MUC5B: variants seen among roughly 807,000 people sequenced by gnomAD.
MUC5B encodes the protein mucin-5B.
Under a neutral mutation model 376.9 loss-of-function variants are expected in MUC5B, and 116 were observed. That is an observed-to-expected ratio of 0.31 (90% confidence interval 0.26 to 0.36). The LOEUF (loss-of-function observed/expected upper bound fraction) is 0.36, where lower values mean the gene tolerates loss of function less well. MUC5B is among the 10% of genes least tolerant of loss of function. The pLI is 1.00. For missense variants in MUC5B, 7,165 were observed against 7,769.9 expected, an observed-to-expected ratio of 0.92 and a Z score of 2.93; for synonymous variants, 3,517 against 3,390.9, an observed-to-expected ratio of 1.04 and a Z score of -1.29.
At position 1,256,667 on chromosome 11, in the gene MUC5B, G is replaced by T. The variant is rs1220458554; in HGVS notation, c.16137-4G>T. 3 of 1,558,574 alleles carry T rather than the reference G, an allele frequency of 1.9e-6. No homozygotes were observed. The African/African-American group carries it at 4.1e-5, about 21-fold the overall frequency. On this transcript the variant is annotated splice_polypyrimidine_tract_variant and splice_region_variant and intron_variant, in intron 38 of 48. Coordinates refer to ENST00000529681, the MANE Select transcript of MUC5B (RefSeq NM_002458.3). ...GTCTCAGGGCCTCTCTTGTCATCCT[G>T]CAGGAACCAGAGCCCACAGCTGGAG... is the stretch of plus-strand genomic sequence containing the variant.
chr11:1,227,273 G>A, intron 5 of MUC5B, 35 bp from the exon 6 acceptor site: 1 of 1,587,976 alleles, frequency 6.3e-7, no homozygotes, highest in Non-Finnish European at 8.6e-7. Context: ...GGGATCAGAG[G>A]TCCTGAGGCT....
intron 46 of MUC5B, 111 bp from the exon 47 acceptor site, chr11:1,260,240 G>A (rs573468062): frequency 2.3e-5 from 22 of 937,454 alleles, no homozygotes; most frequent in East Asian, 2.0e-4. Flanking sequence ...GGGAGGCCCC[G>A]CCCCTGCCCG....
rs1590185429 is a variant in MUC5B, at chr11:1,248,511, C to T, written c.11631C>T (p.Pro3877=). The change falls in exon 31 of 49, where the codon CCC becomes CCT. Residue 3877 remains proline, a synonymous_variant. Transcript: ENST00000529681. ...TTTTTGFTVT[P]SSSPGTARTP... ...CAACCACGGGCTTCACAGTCACCCC[C>T]TCCTCCAGCCCAGGGACGGCACGCA... 6.2e-7 allele frequency: 1 copy of T among 1,612,812 alleles called. No homozygotes were observed. Among genetic ancestry groups the T allele is most frequent in the Non-Finnish European group, 8.5e-7 (1 of 1,179,348 alleles).
chr11:1,223,264 G>A, intron 1 of MUC5B, 71 bp downstream of exon 1: 1 of 701,070 alleles, frequency 1.4e-6, no homozygotes, highest in South Asian at 1.5e-5. Context: ...TCGCTTGCCT[G>A]GGAGCTTCTC....
chr11:1,230,712 G>GC, intron 12 of MUC5B, 112 bp downstream of exon 12: 1 of 819,036 alleles, frequency 1.2e-6, no homozygotes, highest in Non-Finnish European at 1.8e-6. Flanking sequence ...CCCCCCTCCA[G>GC]CCCCCAGGCC....
intron 12 of MUC5B, 144 bp from the exon 13 acceptor site, chr11:1,230,792 T>C (rs1172236386): frequency 1.0e-6 from 1 of 964,012 alleles, no homozygotes; most frequent in Admixed American, 2.5e-5. Flanking sequence ...GGGGGGGCAA[T>C]TGCAGAGCCC....
chr11:1,261,288 G>A (rs934936367), intron 48 of MUC5B, 101 bp from the exon 49 acceptor site: 3 of 1,054,278 alleles, frequency 2.8e-6, no homozygotes, highest in Non-Finnish European at 4.1e-6. Context: ...GAAGGGGGCG[G>A]CCGTCTGGCC....
Position 1,257,292 on chromosome 11 carries a change from C to G in MUC5B, c.16269+21C>G. 1 of 782,878 alleles carries G rather than the reference C, an allele frequency of 1.3e-6. No individual in the cohort carries two copies. The highest frequency in any genetic ancestry group is 2.4e-6 in the Non-Finnish European group (1 of 421,046). 48.5% of individuals were successfully genotyped at this position (782,878 alleles called of 1,614,324 possible). A position where few individuals can be genotyped will look rare whatever the true frequency, so the allele number is the denominator to read the frequency against. On this transcript the variant is annotated intron_variant, in intron 40 of 48. Coordinates refer to ENST00000529681, the MANE Select transcript of MUC5B (RefSeq NM_002458.3). The surrounding 1 kb of genome is among the most constrained non-coding windows in gnomAD (Gnocchi z 8.9). The stretch of plus-strand genomic sequence containing the variant: ...AATTTGTGAGTGGCTCCACCCCCAC[C>G]TGCCCTACCCCACCCTCTCGCGAGC...
Position 1,249,981 on chromosome 11 carries a change from C to T in MUC5B, c.13101C>T (p.Thr4367=), listed in dbSNP as rs773268913. Residue 4367 remains threonine (T), a synonymous_variant, in exon 31 of 49, where the codon ACC becomes ACT. Coordinates refer to ENST00000529681, the MANE Select transcript of MUC5B (RefSeq NM_002458.3). ...CCACCCACACCTCCACAGTGCTGAC[C>T]ACGAAGGCCACCACGACAAGGGCCA... The part of the protein sequence containing the change: ...PETTHTSTVL[T]TKATTTRATS... 44 of 1,610,592 alleles carry T rather than the reference C, an allele frequency of 2.7e-5. No homozygotes were observed. The highest frequency in any genetic ancestry group is 3.6e-5 in the Non-Finnish European group (42 of 1,178,226).
At position 1,246,252 on chromosome 11, in the gene MUC5B, C is replaced by T; in HGVS notation, c.9372C>T (p.Thr3124=). 1 of 1,611,500 alleles carries T rather than the reference C, an allele frequency of 6.2e-7. No individual in the cohort carries two copies. The highest frequency in any genetic ancestry group is 1.1e-5 in the South Asian group (1 of 90,942). The change falls in exon 31 of 49, where the codon ACC becomes ACT. Residue 3124 remains threonine, a synonymous_variant. Transcript: ENST00000529681. ...TTTRATSSMS[T]PSSTPGTTWI... is the part of the protein sequence containing the mutation. ...CAAGGGCCACCAGTTCCATGTCCAC[C>T]CCCTCCTCCACTCCGGGGACGACCT... is the stretch of plus-strand genomic sequence containing the variant.
At chr11:1,229,044 C>T (rs913079440) in intron 8 of MUC5B, 126 bp from the exon 9 acceptor site, 7 of 1,222,424 alleles carry the variant, frequency 5.7e-6, no homozygotes, top group Non-Finnish European at 7.7e-6. Flanking sequence ...TCAGGGCCAC[C>T]CTGGGGCCTA....
chr11:1,256,427 G>A (rs950044181), intron 38 of MUC5B, among the ~76,000 whole-genome samples: 2 of 151,460 alleles, frequency 1.3e-5, no homozygotes, highest in Non-Finnish European at 2.9e-5. Flanking sequence ...CCCTGGCCAC[G>A]CCTGGCCCCG....
chr11:1,239,977 G>T (rs1272880418), intron 28 of MUC5B, 34 bp downstream of exon 28: 2 of 1,610,070 alleles, frequency 1.2e-6, no homozygotes, highest in Non-Finnish European at 1.7e-6. Flanking sequence ...CGCTGGGGGA[G>T]CAGGGCTGGG....
chr11:1,254,688 C>T lies in MUC5B; in HGVS notation c.15478-6C>T. The stretch of plus-strand genomic sequence containing the variant: ...CCCAGCTCAGGGTTCCCCTGGATTC[C>T]CCCAGATCCTGTTTGACCAAATTCC... On this transcript the variant is annotated splice_polypyrimidine_tract_variant and splice_region_variant and intron_variant, in intron 34 of 48. Transcript: ENST00000529681. 1.2e-6 allele frequency: 2 copies of T among 1,611,216 alleles called. No homozygotes were observed. Among genetic ancestry groups the T allele is most frequent in the Middle Eastern group, 1.7e-4 (1 of 6,048 alleles).
At position 1,230,591 on chromosome 11, in the gene MUC5B, C is replaced by T. The variant is rs1381107763; in HGVS notation, c.1461C>T (p.Gly487=). The T allele has an allele frequency of 7.5e-6, 12 of 1,607,744 alleles. No individual in the cohort carries two copies. The highest frequency in any genetic ancestry group is 1.7e-5 in the Admixed American group (1 of 59,792). The stretch of plus-strand genomic sequence containing the variant: ...AAGCGGTGACGCTCAGCCTGGACGG[C>T]GGGGACACGGTGAGGACCTGGCTGG... ...CLKAVTLSLD[G]GDTAIRVQAD... Residue 487 remains glycine (G), a synonymous_variant, in exon 12 of 49, where the codon GGC becomes GGT. Coordinates refer to ENST00000529681, the MANE Select transcript of MUC5B (RefSeq NM_002458.3).
chr11:1,223,273 T>C, intron 1 of MUC5B, 80 bp downstream of exon 1: 2 of 701,302 alleles, frequency 2.9e-6, no homozygotes, highest in Non-Finnish European at 5.2e-6. Flanking sequence ...TGGGAGCTTC[T>C]CCTGCAGAGT....
intron 23 of MUC5B, 82 bp from the exon 24 acceptor site, chr11:1,236,303 CA>C (rs1362911902): frequency 7.1e-7 from 1 of 1,407,846 alleles, no homozygotes; most frequent in Non-Finnish European, 9.6e-7. Context: ...ACCTGCAGAG[CA>C]CTGGGTGGGG....
rs764377708 is a variant in MUC5B, at chr11:1,240,027, C to G, written c.3729-18C>G. Reference sequence around the variant, plus strand: ...GGCTGCCCCCCAGGCCCTCAGCTCGCCTCTCCCCCACCCCTAGTAACTGCA... The same window carrying G: ...GGCTGCCCCCCAGGCCCTCAGCTCGGCTCTCCCCCACCCCTAGTAACTGCA... On this transcript the variant is annotated intron_variant, in intron 28 of 48. Coordinates refer to ENST00000529681, the MANE Select transcript of MUC5B (RefSeq NM_002458.3). 1.3e-6 allele frequency: 2 copies of G among 1,587,122 alleles called. No individual in the cohort carries two copies. The highest frequency in any genetic ancestry group is 1.7e-6 in the Non-Finnish European group (2 of 1,166,332).
In MUC5B at chr11:1,250,033, A is replaced by G; in HGVS notation, c.13153A>G (p.Thr4385Ala). The G allele has an allele frequency of 6.2e-7, 1 of 1,611,100 alleles. No homozygotes were observed. Among genetic ancestry groups the G allele is most frequent in the Admixed American group, 1.7e-5 (1 of 59,734 alleles). Residue 4385 changes from threonine to alanine, a missense_variant, in exon 31 of 49, where the codon ACT (threonine) becomes GCT (alanine). Around this residue, in one of 31 missense-constraint regions of MUC5B, gnomAD observed 431 missense variants for 390.4 expected, o/e 1.10. Coordinates refer to ENST00000529681, the MANE Select transcript of MUC5B (RefSeq NM_002458.3). Reference sequence around the variant, plus strand: ...CAGTTCCACGTCCACCCCCTCCTCCACTCCGGGGACGACCTGGATCCTCAC... The same window carrying G: ...CAGTTCCACGTCCACCCCCTCCTCCGCTCCGGGGACGACCTGGATCCTCAC... ...ATSSTSTPSS[T>A]PGTTWILTEL...
Sources: gnomAD v4.1 joint callset for allele counts (sites outside exome capture counted in the v4.1 genomes callset) on GRCh38, gnomAD v4.1.1 for gene constraint, gnomAD v4.1.1 regional missense constraint, Gnocchi (gnomAD v3.1) non-coding constraint, MANE v1.5 for transcripts, NCBI Gene and HGNC (gene_info 2026-07-23, HGNC 2026-07-21) for gene names.